RERE: variants seen among roughly 807,000 people sequenced by gnomAD.
The protein encoded by RERE is arginine-glutamic acid dipeptide repeats protein.
Under a neutral mutation model 146.1 loss-of-function variants are expected in RERE, and 40 were observed. That is an observed-to-expected ratio of 0.27 (90% CI 0.21 to 0.36). The LOEUF (loss-of-function observed/expected upper bound fraction) is 0.36, where lower values mean the gene tolerates loss of function less well. Among genes scored for constraint, RERE ranks in the 10% least tolerant of loss-of-function variants. RERE has a pLI of 1.00. For missense variants in RERE, 1,933 were observed against 2,138.7 expected (o/e 0.90, Z 1.90); for synonymous variants, 1,003 against 866.0 (o/e 1.16, Z -2.78).
At chr1:8,643,772 G>A (rs899506090) in intron 2 of RERE, among the ~76,000 whole-genome samples, 1 of 152,250 alleles carries the variant, frequency 6.6e-6, no homozygotes, top group Middle Eastern at 3.4e-3. Context: ...GCCTCTCTGG[G>A]GAGGGAACCC....
At chr1:8,427,117 A>G (rs1357326658) in intron 11 of RERE, among the ~76,000 whole-genome samples, 1 of 152,106 alleles carries the variant, frequency 6.6e-6, no homozygotes, top group Non-Finnish European at 1.5e-5. Flanking sequence ...TGACCTCCCA[A>G]AGTGTTGAGA....
In RERE at chr1:8,381,561, G is replaced by A. The variant is rs149716885; in HGVS notation, c.1285-15587C>T. Among the ~76,000 whole-genome samples the A allele has an allele frequency of 3.3e-3, 495 of 152,260 alleles. 2 individuals are homozygous for A. Among genetic ancestry groups the A allele is most frequent in the African/African-American group, 0.011 (474 of 41,532 alleles). ...CACACATAGGTGGAAAATTAGTTAC[G>A]AGAATCAAAATTATTCAAGGTAATT... On this transcript the variant is annotated intron_variant, in intron 12 of 22. Coordinates refer to ENST00000400908, the MANE Select transcript of RERE (RefSeq NM_001042681.2).
At chr1:8,590,715 G>A (rs1480576164) in intron 4 of RERE, 2 of 152,160 alleles carry the variant, frequency 1.3e-5, no homozygotes, top group Non-Finnish European at 2.9e-5. Flanking sequence ...GAAATACGAA[G>A]GCTTCCAGGC....
At chr1:8,448,994 A>T (rs1466023673) in intron 11 of RERE, among the ~76,000 whole-genome samples, 2 of 152,196 alleles carry the variant, frequency 1.3e-5, no homozygotes, top group Admixed American at 6.5e-5. Context: ...ACAGCACTGC[A>T]GCTCTTTCGC....
At chr1:8,508,186 C>T (rs912280166) in intron 8 of RERE, among the ~76,000 whole-genome samples, 1 of 152,170 alleles carries the variant, frequency 6.6e-6, no homozygotes, top group African/African-American at 2.4e-5. Flanking sequence ...ACCATGAGGA[C>T]ATTATGCTGA....
At chr1:8,630,200 C>T (rs774630370) in intron 2 of RERE, among the ~76,000 whole-genome samples, 9 of 152,112 alleles carry the variant, frequency 5.9e-5, no homozygotes, top group East Asian at 3.9e-4. Context: ...CTGGAAACAA[C>T]GCTGAAATCC....
chr1:8,550,386 T>A (rs1049523207), intron 6 of RERE, among the ~76,000 whole-genome samples: 1 of 152,138 alleles, frequency 6.6e-6, no homozygotes, highest in Admixed American at 6.5e-5. Context: ...GACAAAACAA[T>A]AAAAATGCTG....
chr1:8,522,633 A>T (rs1645516354), intron 7 of RERE, among the ~76,000 whole-genome samples: 1 of 152,158 alleles, frequency 6.6e-6, no homozygotes, highest in African/African-American at 2.4e-5. Context: ...GCACTTTGGG[A>T]GGCTGAGGCA....
At chr1:8,657,418 T>G (rs1194196134) in intron 1 of RERE, among the ~76,000 whole-genome samples, 1 of 152,092 alleles carries the variant, frequency 6.6e-6, no homozygotes, top group Non-Finnish European at 1.5e-5. Flanking sequence ...AGAACTTCCT[T>G]CAAGAATAAA....
At chr1:8,632,363 G>A (rs906693759) in intron 2 of RERE, among the ~76,000 whole-genome samples, 1 of 152,316 alleles carries the variant, frequency 6.6e-6, no homozygotes, top group African/African-American at 2.4e-5. Flanking sequence ...TGCACTAGGA[G>A]CCTGGGCTTT....
chr1:8,666,657 T>C (rs1638582277), intron 1 of RERE, among the ~76,000 whole-genome samples: 1 of 152,242 alleles, frequency 6.6e-6, no homozygotes, highest in African/African-American at 2.4e-5. Context: ...AACAGTAACC[T>C]GATGTAGAGA....
At chr1:8,477,163 C>G (rs776078188) in intron 10 of RERE, among the ~76,000 whole-genome samples, 2 of 152,122 alleles carry the variant, frequency 1.3e-5, no homozygotes, top group Non-Finnish European at 2.9e-5. Flanking sequence ...ATGTCTACAG[C>G]CTGACTTCTT....
intron 10 of RERE, among the ~76,000 whole-genome samples, chr1:8,481,040 G>T (rs753689448): frequency 1.1e-4 from 17 of 152,184 alleles, no homozygotes; most frequent in Non-Finnish European, 1.6e-4. Flanking sequence ...GAAACAGGAA[G>T]GAGATGCAGG....
At chr1:8,705,080 CCA>C (rs1360654796) in intron 1 of RERE, among the ~76,000 whole-genome samples, 4 of 152,198 alleles carry the variant, frequency 2.6e-5, no homozygotes, top group Non-Finnish European at 5.9e-5. Context: ...CCAGCTATAT[CCA>C]GACACATGGC....
chr1:8,487,405 C>T (rs1377155644), intron 10 of RERE, among the ~76,000 whole-genome samples: 1 of 151,850 alleles, frequency 6.6e-6, no homozygotes, highest in African/African-American at 2.4e-5. Flanking sequence ...ATAGTGAGAC[C>T]CCGTCACTAC....
intron 1 of RERE, among the ~76,000 whole-genome samples, chr1:8,677,669 C>G (rs1638875020): frequency 6.6e-6 from 1 of 152,150 alleles, no homozygotes; most frequent in Non-Finnish European, 1.5e-5. Flanking sequence ...CTTGTCCTTG[C>G]TAGTTTTGTA....
At chr1:8,363,789 G>C (rs1641689477) in intron 15 of RERE, 2 of 514,258 alleles carry the variant, frequency 3.9e-6, no homozygotes, top group Admixed American at 6.9e-5. Flanking sequence ...GAGAGCAAGA[G>C]GGGCCTTGGA....
At chr1:8,431,622 A>C (rs919986843) in intron 11 of RERE, among the ~76,000 whole-genome samples, 1 of 152,218 alleles carries the variant, frequency 6.6e-6, no homozygotes, top group Non-Finnish European at 1.5e-5. Context: ...GGTTCCAAAA[A>C]GGTTGGGGAC....
chr1:8,727,857 A>C (rs1272076638), intron 1 of RERE, among the ~76,000 whole-genome samples: 1 of 152,230 alleles, frequency 6.6e-6, no homozygotes, highest in Admixed American at 6.5e-5. Context: ...CCCAAACAGA[A>C]TCTTCTAATT....
Sources: gnomAD v4.1 joint callset for allele counts (sites outside exome capture counted in the v4.1 genomes callset) on GRCh38, gnomAD v4.1.1 for gene constraint, MANE v1.5 for transcripts, NCBI Gene and HGNC (gene_info 2026-07-23, HGNC 2026-07-21) for gene names.